Variants in ZFAND3 observed in about 807,000 individuals in gnomAD.
ZFAND3 encodes zinc finger AN1-type containing 3.
ZFAND3 carries 10 observed loss-of-function variants against 29.6 expected under a neutral mutation model. The observed-to-expected ratio is 0.34, with a 90% confidence interval of 0.21 to 0.57. The LOEUF (loss-of-function observed/expected upper bound fraction) is 0.57, where lower values mean the gene tolerates loss of function less well. ZFAND3 is among the 20% of genes least tolerant of loss of function. The probability of loss-of-function intolerance (pLI) is 0.86; values close to 1 mark genes in which losing one functional copy is unlikely to be tolerated. For synonymous variants in ZFAND3, 128 were observed against 112.6 expected, an observed-to-expected ratio of 1.14 and a Z score of -0.87; for missense variants, 230 against 304.5, an observed-to-expected ratio of 0.76 and a Z score of 1.82.
At chr6:38,025,902 C>T (rs1763438555) in intron 2 of ZFAND3, among the ~76,000 whole-genome samples, 1 of 152,082 alleles carries the variant, frequency 6.6e-6, no homozygotes, top group South Asian at 2.1e-4. Context: ...AATGAGTGGT[C>T]CTTGCTAAAG....
At chr6:38,079,494 G>A (rs1376092556) in intron 3 of ZFAND3, among the ~76,000 whole-genome samples, 1 of 152,100 alleles carries the variant, frequency 6.6e-6, no homozygotes, top group Non-Finnish European at 1.5e-5. Flanking sequence ...TAAAGACAAG[G>A]TAAAGATTCT....
At chr6:37,926,938 G>C (rs192516416) in intron 1 of ZFAND3, among the ~76,000 whole-genome samples, 124 of 152,286 alleles carry the variant, frequency 8.1e-4, no homozygotes, top group African/African-American at 2.8e-3. Flanking sequence ...TGGATTCAGT[G>C]TTCTTGACCC....
At chr6:38,020,023 A>G (rs1763319841) in intron 2 of ZFAND3, among the ~76,000 whole-genome samples, 1 of 152,172 alleles carries the variant, frequency 6.6e-6, no homozygotes, top group Non-Finnish European at 1.5e-5. Context: ...CCCAGCCTCA[A>G]AACACTATTT....
rs1276451442 is a variant in ZFAND3 at position 38,152,551 on chromosome 6, A to G, written c.*162A>G. On this transcript the variant is annotated 3_prime_UTR_variant, in exon 6 of 6. Coordinates refer to ENST00000287218, the MANE Select transcript of ZFAND3 (RefSeq NM_021943.3). ...TCCTGGTACTGTAGTTTAGGGGTTGATGGTGGTTGAAATTGATTTCTGGCT... is the reference window on the plus strand; with the variant it reads ...TCCTGGTACTGTAGTTTAGGGGTTGGTGGTGGTTGAAATTGATTTCTGGCT... 5.4e-6 allele frequency: 7 copies of G among 1,290,742 alleles called. No individual in the cohort carries two copies. The highest frequency in any genetic ancestry group is 6.9e-6 in the Non-Finnish European group (7 of 1,019,608). The allele number at this position is 1,290,742 out of a possible 1,614,324, so 80.0% of individuals were successfully genotyped here. A position where few individuals can be genotyped will look rare whatever the true frequency, so the allele number is the denominator to read the frequency against.
intron 2 of ZFAND3, among the ~76,000 whole-genome samples, chr6:38,030,926 T>C (rs1003608341): frequency 2.0e-5 from 3 of 152,164 alleles, no homozygotes; most frequent in Non-Finnish European, 2.9e-5. Context: ...TGAAAATAGA[T>C]GCAAAACCAC....
At chr6:37,978,900 A>C (rs1258559941) in intron 2 of ZFAND3, among the ~76,000 whole-genome samples, 2 of 151,250 alleles carry the variant, frequency 1.3e-5, no homozygotes, top group Non-Finnish European at 2.9e-5. Flanking sequence ...TATGCTTTTA[A>C]TATGCATAAA....
At chr6:37,839,083 C>G (rs1443553305) in intron 1 of ZFAND3, among the ~76,000 whole-genome samples, 1 of 152,062 alleles carries the variant, frequency 6.6e-6, no homozygotes, top group African/African-American at 2.4e-5. Context: ...TTAAATATGC[C>G]CATTGACCAT....
intron 1 of ZFAND3, among the ~76,000 whole-genome samples, chr6:37,827,849 A>G (rs1763787770): frequency 6.6e-6 from 1 of 152,242 alleles, no homozygotes; most frequent in Non-Finnish European, 1.5e-5. Flanking sequence ...GAGGTCATTG[A>G]TGCCACTTGC....
At chr6:37,898,799 C>T (rs959383892) in intron 1 of ZFAND3, among the ~76,000 whole-genome samples, 50 of 152,146 alleles carry the variant, frequency 3.3e-4, no homozygotes, top group Non-Finnish European at 4.4e-4. Flanking sequence ...ATTCAGTGAC[C>T]TTGCTAAATT....
At chr6:37,904,827 G>C (rs1465657274) in intron 1 of ZFAND3, among the ~76,000 whole-genome samples, 1 of 152,186 alleles carries the variant, frequency 6.6e-6, no homozygotes, top group Non-Finnish European at 1.5e-5. Context: ...ACATAATGTG[G>C]ATGTCAGTCA....
At chr6:37,851,700 G>T (rs1764285238) in intron 1 of ZFAND3, among the ~76,000 whole-genome samples, 1 of 152,094 alleles carries the variant, frequency 6.6e-6, no homozygotes, top group South Asian at 2.1e-4. Context: ...TATATGTATA[G>T]AAGTAAAGAT....
At chr6:37,844,165 C>G (rs1764133253) in intron 1 of ZFAND3, among the ~76,000 whole-genome samples, 1 of 152,148 alleles carries the variant, frequency 6.6e-6, no homozygotes, top group African/African-American at 2.4e-5. Context: ...CTCCAGTGAT[C>G]TGCCCGCCTC....
chr6:37,858,931 T>G (rs756549670), intron 1 of ZFAND3, among the ~76,000 whole-genome samples: 6 of 152,238 alleles, frequency 3.9e-5, no homozygotes, highest in Non-Finnish European at 7.3e-5. Context: ...GCTAGAAGAT[T>G]TGCTGCCAGG....
chr6:37,956,022 C>A (rs1021914991), intron 2 of ZFAND3, among the ~76,000 whole-genome samples: 3 of 151,904 alleles, frequency 2.0e-5, no homozygotes, highest in Non-Finnish European at 4.4e-5. Context: ...GGGTTTTGGA[C>A]GCAGCTTGAG....
chr6:37,834,318 C>G (rs1561904574), intron 1 of ZFAND3, among the ~76,000 whole-genome samples: 1 of 152,118 alleles, frequency 6.6e-6, no homozygotes, highest in African/African-American at 2.4e-5. Context: ...CCTTCCATGT[C>G]TTTTCATGGC....
chr6:37,980,975 T>G (rs1762568994), intron 2 of ZFAND3, among the ~76,000 whole-genome samples: 1 of 152,218 alleles, frequency 6.6e-6, no homozygotes, highest in Non-Finnish European at 1.5e-5. Flanking sequence ...ATTTCTCTGC[T>G]TTCTATTTGT....
chr6:37,886,371 G>A (rs1764994948), intron 1 of ZFAND3, among the ~76,000 whole-genome samples: 1 of 150,704 alleles, frequency 6.6e-6, no homozygotes, highest in Non-Finnish European at 1.5e-5. Flanking sequence ...TCAGTAATGT[G>A]ATCTTAGGTA....
At chr6:38,116,343 C>T (rs1765417189) in intron 4 of ZFAND3, among the ~76,000 whole-genome samples, 1 of 152,184 alleles carries the variant, frequency 6.6e-6, no homozygotes, top group African/African-American at 2.4e-5. Context: ...TTGAGCCACC[C>T]ACACCCTCCT....
At chr6:37,950,370 TG>T (rs1461659361) in intron 2 of ZFAND3, among the ~76,000 whole-genome samples, 4 of 151,818 alleles carry the variant, frequency 2.6e-5, no homozygotes, top group African/African-American at 4.8e-5. Flanking sequence ...TTAATGTTTT[TG>T]TTGACTTGTT....
Sources: allele counts gnomAD v4.1 joint callset (sites outside exome capture counted in the v4.1 genomes callset), GRCh38; gene constraint gnomAD v4.1.1; transcripts MANE v1.5; gene names NCBI Gene and HGNC (gene_info 2026-07-23, HGNC 2026-07-21).